The following NOL9 variants were observed in gnomAD, a reference collection of about 807,000 sequenced individuals.
NOL9 encodes the protein nucleolar protein 9, also known as polynucleotide 5'-hydroxyl-kinase NOL9.
In NOL9, 28 loss-of-function variants were observed where a neutral mutation model predicts 67.9. The observed-to-expected ratio is 0.41, with a 90% CI of 0.31 to 0.57. The LOEUF (loss-of-function observed/expected upper bound fraction) is 0.57. NOL9 is among the 20% of genes least tolerant of loss of function. The pLI is 0.25. For synonymous variants in NOL9, 356 were observed against 352.2 expected, an observed-to-expected ratio of 1.01 and a Z score of -0.12; for missense variants, 777 against 897.0, an observed-to-expected ratio of 0.87 and a Z score of 1.71.
intron 1 of NOL9, 138 bp downstream of exon 1, chr1:6,553,969 G>C: frequency 1.5e-6 from 1 of 654,402 alleles, no homozygotes; most frequent in South Asian, 2.1e-5. Flanking sequence ...CAACCATCAA[G>C]AGGATGGACT....
intron 1 of NOL9, among the ~76,000 whole-genome samples, chr1:6,552,861 G>A (rs1639572877): frequency 6.7e-6 from 1 of 149,708 alleles, no homozygotes; most frequent in Admixed American, 6.7e-5. Context: ...GCCCAGGCTG[G>A]AGTGCAATGG....
In NOL9 at chr1:6,533,253, C is replaced by T. The variant is rs759409633; in HGVS notation, c.1237+27G>A. 2.6e-6 allele frequency: 4 copies of T among 1,549,762 alleles called. No individual in the cohort carries two copies. In the African/African-American group the frequency reaches 5.5e-5, roughly 21 times the overall value. On this transcript the variant is annotated intron_variant, in intron 7 of 11. Coordinates refer to ENST00000377705, the MANE Select transcript of NOL9 (RefSeq NM_024654.5). ...CAGTACTCACACTGCCTGTCCTTCC[C>T]TTGCAGATGTGCACATGCAGGCTTA...
At chr1:6,540,673 A>G (rs1386665281) in intron 6 of NOL9, among the ~76,000 whole-genome samples, 1 of 152,080 alleles carries the variant, frequency 6.6e-6, no homozygotes, top group African/African-American at 2.4e-5. Flanking sequence ...TAAAAATACA[A>G]AAATTAGCTG....
intron 1 of NOL9, among the ~76,000 whole-genome samples, chr1:6,552,139 C>A (rs1043341820): frequency 6.6e-6 from 1 of 152,112 alleles, no homozygotes; most frequent in Non-Finnish European, 1.5e-5. Context: ...TACACTGGAG[C>A]CTGTGGGGGT....
chr1:6,550,590 C>G lies in NOL9; in HGVS notation c.422G>C (p.Arg141Pro). ...EQGFTFSGICRVTCLYGQVQV... is the reference protein window; with the variant it reads ...EQGFTFSGICPVTCLYGQVQV... Reference sequence around the variant, plus strand: ...CACCTGGCCATAGAGGCAAGTCACACGACAGATCCCACTAAAAGTAAAACC... The same window carrying G: ...CACCTGGCCATAGAGGCAAGTCACAGGACAGATCCCACTAAAAGTAAAACC... The change falls in exon 2 of 12, where the codon CGT becomes CCT. Residue 141 changes from arginine to proline, a missense_variant. Physicochemically the swap from Arg to Pro is moderately radical, Grantham distance 103 (BLOSUM62 -2). Transcript: ENST00000377705. The G allele has an allele frequency of 6.2e-7, 1 of 1,613,156 alleles. No individual in the cohort carries two copies. Among genetic ancestry groups the G allele is most frequent in the Non-Finnish European group, 8.5e-7 (1 of 1,179,830 alleles).
chr1:6,543,201 C>CTT lies in NOL9; in HGVS notation c.978-1276_978-1275dup, dbSNP rs58473389. Among the ~76,000 whole-genome samples, 192 of 144,988 alleles carry CTT rather than the reference C, an allele frequency of 1.3e-3. 1 individual carries two copies. Among genetic ancestry groups the CTT allele is most frequent in the Admixed American group, 2.3e-3 (34 of 14,574 alleles). On this transcript the variant is annotated intron_variant, in intron 5 of 11. Coordinates refer to ENST00000377705, the MANE Select transcript of NOL9 (RefSeq NM_024654.5). ...AAGCCACGGTGCCCAGCCTTTTTTT[C>CTT]TTTTTTTTTTTTGAGACAGAGTCTT...
chr1:6,545,710 G>GCCCATAAGCACA (rs70981384), intron 3 of NOL9, among the ~76,000 whole-genome samples: 66 of 151,980 alleles, frequency 4.3e-4, no homozygotes, highest in African/African-American at 1.4e-3. Context: ...GAAGGGCCCC[G>GCCCATAAGCACA]TCCTCTTGCA....
At chr1:6,547,720 T>C (rs1313316173) in intron 3 of NOL9, among the ~76,000 whole-genome samples, 9 of 151,970 alleles carry the variant, frequency 5.9e-5, no homozygotes, top group East Asian at 3.9e-4. Flanking sequence ...CCGGGAGTCA[T>C]GGCGTGTACC....
intron 3 of NOL9, chr1:6,548,256 TC>T (rs1639464585): frequency 6.5e-6 from 1 of 154,076 alleles, no homozygotes; most frequent in African/African-American, 2.5e-5. Context: ...CCATCGATTC[TC>T]CCGCCTCACC....
Position 6,532,495 on chromosome 1 carries a change from T to A in NOL9, c.1503A>T (p.Thr501=). The A allele has an allele frequency of 6.2e-7, 1 of 1,612,364 alleles. No individual in the cohort carries two copies. The highest frequency in any genetic ancestry group is 8.5e-7 in the Non-Finnish European group (1 of 1,178,612). Residue 501 remains threonine (T), a synonymous_variant, in exon 8 of 12, where the codon ACA becomes ACT. Transcript: ENST00000377705. ...FTGHKLIGVY[T]DFAFRITPRN... ...TTGGAGTTATTCTGAATGCAAAGTCTGTATAAACACCTATCAGTTTATGTC... is the reference window on the plus strand; with the variant it reads ...TTGGAGTTATTCTGAATGCAAAGTCAGTATAAACACCTATCAGTTTATGTC...
At chr1:6,549,490 AG>A in intron 3 of NOL9, 80 bp downstream of exon 3, 1 of 1,516,682 alleles carries the variant, frequency 6.6e-7, no homozygotes, top group East Asian at 2.3e-5. Flanking sequence ...TGTTCTTCCA[AG>A]ACAACATCCT....
chr1:6,546,849 A>G (rs1482395690), intron 3 of NOL9, among the ~76,000 whole-genome samples: 2 of 152,128 alleles, frequency 1.3e-5, no homozygotes, highest in African/African-American at 4.8e-5. Flanking sequence ...GCTAACTTCT[A>G]CCAAAGCAAA....
intron 2 of NOL9, 81 bp downstream of exon 2, chr1:6,550,315 G>C: frequency 8.0e-7 from 1 of 1,244,544 alleles, no homozygotes. Flanking sequence ...ATAGGCGTGA[G>C]CCACCGCGCC....
In NOL9 at chr1:6,532,546, T is replaced by G; in HGVS notation, c.1452A>C (p.Glu484Asp). 3.1e-6 allele frequency: 5 copies of G among 1,614,236 alleles called. No homozygotes were observed. Among genetic ancestry groups the G allele is most frequent in the Non-Finnish European group, 4.2e-6 (5 of 1,180,040 alleles). The change falls in exon 8 of 12, where the codon GAA becomes GAC. Residue 484 changes from glutamate (E) to aspartate (D), a missense_variant. This residue lies in a region of NOL9 where 413 missense variants were observed against 552.6 expected (regional missense o/e 0.75). Transcript: ENST00000377705. ...FADALEFADEEKESPVEFTGH... is the reference protein window; with the variant it reads ...FADALEFADEDKESPVEFTGH... ...CAGTGAACTCAACTGGACTCTCTTT[T>G]TCTTCATCAGCAAATTCCAAAGCAT...
chr1:6,526,339 G>A (rs1638883586), intron 11 of NOL9, among the ~76,000 whole-genome samples: 1 of 152,152 alleles, frequency 6.6e-6, no homozygotes, highest in South Asian at 2.1e-4. Context: ...CAGTCCCTGT[G>A]GCTGGCTCTG....
intron 5 of NOL9, among the ~76,000 whole-genome samples, chr1:6,544,174 G>A (rs566284951): frequency 3.4e-4 from 51 of 151,824 alleles, no homozygotes; most frequent in African/African-American, 1.0e-3. Flanking sequence ...TCCCTGCTAC[G>A]TGGGAGGCTG....
rs3761926 is a variant in NOL9, at chr1:6,542,056, T to C, written c.978-129A>G. 29 of 488,576 alleles carry C rather than the reference T, an allele frequency of 5.9e-5. No individual in the cohort carries two copies. The East Asian group carries it at 9.3e-4, about 16-fold the overall frequency. The allele number at this position is 488,576 out of a possible 1,614,324, so 30.3% of individuals were successfully genotyped here. On this transcript the variant is annotated intron_variant, in intron 5 of 11. Coordinates refer to ENST00000377705, the MANE Select transcript of NOL9 (RefSeq NM_024654.5). ...TCCACCACACACAGCACTTTAGAAG[T>C]GAAGCCTCAAGATGACAATCGCTGT...
rs1221865822 is a variant in NOL9, at chr1:6,533,436, G to C, written c.1081C>G (p.Pro361Ala). 6.3e-7 allele frequency: 1 copy of C among 1,587,116 alleles called. No individual in the cohort carries two copies. The highest frequency in any genetic ancestry group is 8.6e-7 in the Non-Finnish European group (1 of 1,164,552). Residue 361 changes from proline to alanine, a missense_variant, in exon 7 of 12, where the codon CCT becomes GCT. Around this residue, in one of 2 missense-constraint regions of NOL9, gnomAD observed 413 missense variants for 552.6 expected, o/e 0.75. Coordinates refer to ENST00000377705, the MANE Select transcript of NOL9 (RefSeq NM_024654.5). ...TGTGGAGTCCTCAGGTGAGTGAAAG[G>C]TGGTCCTAAAAAGATAAAGATGAGT... ...LNITEPVLGP[P>A]FTHLRTPQKM... is the part of the protein sequence containing the mutation.
chr1:6,547,128 C>T (rs1639436516), intron 3 of NOL9, among the ~76,000 whole-genome samples: 1 of 152,228 alleles, frequency 6.6e-6, no homozygotes, highest in African/African-American at 2.4e-5. Flanking sequence ...GGGCTCAGAG[C>T]TGGAACCATC....
Sources: allele counts gnomAD v4.1 joint callset (sites outside exome capture counted in the v4.1 genomes callset), GRCh38; gene constraint gnomAD v4.1.1; regional missense constraint gnomAD v4.1.1; transcripts MANE v1.5; gene names NCBI Gene and HGNC (gene_info 2026-07-23, HGNC 2026-07-21).